DOCK3: variants seen among roughly 807,000 people sequenced by gnomAD.
The protein encoded by DOCK3 is dedicator of cytokinesis 3.
In DOCK3, 60 loss-of-function variants were observed where a neutral mutation model predicts 265.6. The observed-to-expected ratio is 0.23, with a 90% CI of 0.18 to 0.28. DOCK3 has a LOEUF of 0.28. Among genes scored for constraint, DOCK3 ranks in the 10% least tolerant of loss-of-function variants. The pLI is 1.00. For synonymous variants in DOCK3, 881 were observed against 938.0 expected, an observed-to-expected ratio of 0.94 and a Z score of 1.11; for missense variants, 1,981 against 2,594.3, an observed-to-expected ratio of 0.76 and a Z score of 5.14.
At chr3:50,978,161 A>G (rs372823042) in intron 5 of DOCK3, among the ~76,000 whole-genome samples, 9,498 of 143,754 alleles carry the variant, frequency 0.066, 458 homozygotes, top group Non-Finnish European at 0.089. Flanking sequence ...GTCATTCTCC[A>G]TCCAACTTTG....
At chr3:51,260,380 G>C in intron 23 of DOCK3, 54 bp downstream of exon 23, 1 of 1,531,094 alleles carries the variant, frequency 6.5e-7, no homozygotes, top group South Asian at 1.3e-5. Context: ...TCAGTGGGTG[G>C]TTTCTTTGTC....
At chr3:51,288,562 A>G (rs908856435) in intron 27 of DOCK3, among the ~76,000 whole-genome samples, 1 of 152,130 alleles carries the variant, frequency 6.6e-6, no homozygotes, top group Non-Finnish European at 1.5e-5. Context: ...ATTTACCTAT[A>G]TAACAAACCT....
At chr3:50,985,067 A>G (rs1481958867) in intron 5 of DOCK3, among the ~76,000 whole-genome samples, 3 of 152,214 alleles carry the variant, frequency 2.0e-5, no homozygotes, top group African/African-American at 7.2e-5. Flanking sequence ...ATTCACACAT[A>G]TGTATAAGTC....
At chr3:50,742,926 A>G (rs899009545) in intron 1 of DOCK3, among the ~76,000 whole-genome samples, 1 of 152,238 alleles carries the variant, frequency 6.6e-6, no homozygotes, top group Non-Finnish European at 1.5e-5. Flanking sequence ...GAAGGAAAAA[A>G]TGTTAAGGGC....
intron 3 of DOCK3, among the ~76,000 whole-genome samples, chr3:50,857,727 G>A (rs1209914419): frequency 6.6e-6 from 1 of 152,190 alleles, no homozygotes; most frequent in Non-Finnish European, 1.5e-5. Context: ...ACCACAATGA[G>A]ATACCATCTC....
chr3:51,116,997 A>G (rs753252219), intron 9 of DOCK3, among the ~76,000 whole-genome samples: 1 of 152,062 alleles, frequency 6.6e-6, no homozygotes, highest in Non-Finnish European at 1.5e-5. Context: ...TTCCAATACT[A>G]TGTTGGATGG....
At chr3:51,067,980 A>C (rs1252822102) in intron 6 of DOCK3, among the ~76,000 whole-genome samples, 4 of 152,200 alleles carry the variant, frequency 2.6e-5, no homozygotes, top group Non-Finnish European at 5.9e-5. Context: ...CACTTTTATA[A>C]ATGCCATAAA....
intron 1 of DOCK3, among the ~76,000 whole-genome samples, chr3:50,742,015 C>A (rs1412086820): frequency 6.6e-6 from 1 of 152,128 alleles, no homozygotes; most frequent in African/African-American, 2.4e-5. Context: ...TTGCATTTCT[C>A]TGATGGCCAG....
intron 1 of DOCK3, among the ~76,000 whole-genome samples, chr3:50,760,143 A>C (rs1369530797): frequency 6.6e-6 from 1 of 151,898 alleles, no homozygotes; most frequent in Non-Finnish European, 1.5e-5. Flanking sequence ...TTTACTTTTA[A>C]GTCTTTGAGC....
At chr3:51,142,582 A>T (rs746148403) in intron 9 of DOCK3, among the ~76,000 whole-genome samples, 1 of 152,142 alleles carries the variant, frequency 6.6e-6, no homozygotes, top group African/African-American at 2.4e-5. Flanking sequence ...TGTTTTTTAA[A>T]ATTGTGAAAT....
At chr3:50,695,253 T>C (rs1006318266) in intron 1 of DOCK3, among the ~76,000 whole-genome samples, 1 of 152,244 alleles carries the variant, frequency 6.6e-6, no homozygotes, top group African/African-American at 2.4e-5. Flanking sequence ...TACTTATGCA[T>C]GTATAAGCCA....
intron 9 of DOCK3, among the ~76,000 whole-genome samples, chr3:51,121,038 A>C (rs924448667): frequency 6.6e-6 from 1 of 152,134 alleles, no homozygotes; most frequent in Non-Finnish European, 1.5e-5. Flanking sequence ...AAACAAAAAC[A>C]AACAAAAAAA....
intron 9 of DOCK3, among the ~76,000 whole-genome samples, chr3:51,103,728 G>A (rs1380604833): frequency 6.6e-6 from 1 of 152,138 alleles, no homozygotes; most frequent in Non-Finnish European, 1.5e-5. Context: ...ATTGCCTTAT[G>A]TGTACAAAGG....
Position 51,132,640 on chromosome 3 carries a change from G to A in DOCK3, c.747-13909G>A, listed in dbSNP as rs146561530. Among the ~76,000 whole-genome samples the A allele has an allele frequency of 3.5e-3, 532 of 152,286 alleles. 1 individual carries two copies. Among genetic ancestry groups the A allele is most frequent in the Non-Finnish European group, 6.2e-3 (419 of 68,026 alleles). Reference sequence around the variant, plus strand: ...GACCAACCAGCTTCATTATGTTCCTGTAGAGAAAGAGCTGGAATTGTGGAA... The same window carrying A: ...GACCAACCAGCTTCATTATGTTCCTATAGAGAAAGAGCTGGAATTGTGGAA... On this transcript the variant is annotated intron_variant, in intron 9 of 52. Transcript: ENST00000266037.
chr3:51,018,220 T>G (rs766077062), intron 5 of DOCK3, among the ~76,000 whole-genome samples: 1 of 151,860 alleles, frequency 6.6e-6, no homozygotes, highest in Non-Finnish European at 1.5e-5. Context: ...ACCAAAACTC[T>G]TGGTTTTGTC....
intron 5 of DOCK3, among the ~76,000 whole-genome samples, chr3:51,012,743 C>A (rs1007924553): frequency 3.9e-5 from 6 of 152,310 alleles, no homozygotes; most frequent in Middle Eastern, 3.4e-3. Context: ...GTCGCTCACA[C>A]TGGGAGCTGT....
chr3:50,770,957 C>T (rs1159401729), intron 1 of DOCK3, among the ~76,000 whole-genome samples: 1 of 152,134 alleles, frequency 6.6e-6, no homozygotes, highest in Non-Finnish European at 1.5e-5. Context: ...ATACAAAAAT[C>T]AAATCAAAAT....
intron 1 of DOCK3, 62 bp from the exon 2 acceptor site, chr3:50,778,613 G>A: frequency 7.9e-7 from 1 of 1,259,090 alleles, no homozygotes; most frequent in Non-Finnish European, 1.1e-6. Context: ...TTAATTCAGT[G>A]ACTCTGACCA....
At chr3:51,043,245 C>A (rs2080611987) in intron 5 of DOCK3, among the ~76,000 whole-genome samples, 1 of 152,118 alleles carries the variant, frequency 6.6e-6, no homozygotes, top group Admixed American at 6.5e-5. Flanking sequence ...GACACACAGA[C>A]CAATGGAACA....
Sources: gnomAD v4.1 joint callset for allele counts (sites outside exome capture counted in the v4.1 genomes callset) on GRCh38, gnomAD v4.1.1 for gene constraint, MANE v1.5 for transcripts, NCBI Gene and HGNC (gene_info 2026-07-23, HGNC 2026-07-21) for gene names.